Variants in DLL3 observed in about 807,000 individuals in gnomAD.
The protein encoded by DLL3 is delta-like protein 3.
Under a neutral mutation model 55.0 loss-of-function variants are expected in DLL3, and 49 were observed. The ratio of observed to expected loss-of-function variants is 0.89; its 90% CI spans 0.71 to 1.13. The LOEUF (loss-of-function observed/expected upper bound fraction) is 1.13. DLL3 is among the 50% of genes most tolerant of loss of function. The pLI is 0.00. For synonymous variants in DLL3, 421 were observed against 385.2 expected, an observed-to-expected ratio of 1.09 and a Z score of -1.09; for missense variants, 962 against 875.5, an observed-to-expected ratio of 1.10 and a Z score of -1.25.
chr19:39,503,020 C>A lies in DLL3; in HGVS notation c.615C>A (p.Arg205=). 6.6e-7 allele frequency: 1 copy of A among 1,511,612 alleles called. No individual in the cohort carries two copies. The highest frequency in any genetic ancestry group is 1.2e-5 in the South Asian group (1 of 81,430). 93.6% of individuals were successfully genotyped at this position (1,511,612 alleles called of 1,614,324 possible). ...CCTCGCGGTGCGGTCCGGGACTGCG[C>A]CCCTGCGCACCGCTCGAGGACGAAT... ...SAPSRCGPGL[R]PCAPLEDECE... Residue 205 remains arginine (R), a synonymous_variant, in exon 4 of 9, where the codon CGC becomes CGA. Coordinates refer to ENST00000356433, the MANE Select transcript of DLL3 (RefSeq NM_203486.3).
chr19:39,506,383 A>T (rs901538616), intron 6 of DLL3, among the ~76,000 whole-genome samples: 26 of 151,938 alleles, frequency 1.7e-4, no homozygotes, highest in African/African-American at 6.3e-4. Context: ...AAAAAAAAAA[A>T]AGATCATGAA....
chr19:39,502,951 C>A lies in DLL3; in HGVS notation c.546C>A (p.Ala182=), dbSNP rs8106337. The A allele has an allele frequency of 3.4e-6, 5 of 1,453,928 alleles. No individual in the cohort carries two copies. The highest frequency in any genetic ancestry group is 1.3e-5 in the South Asian group (1 of 74,782). The allele number at this position is 1,453,928 out of a possible 1,614,324, so 90.1% of individuals were successfully genotyped here. A position where few individuals can be genotyped will look rare whatever the true frequency, so the allele number is the denominator to read the frequency against. ...FSYRARCEPP[A]VGTACTRLCR... is the part of the protein sequence containing the mutation. ...ACCGCGCGCGCTGCGAGCCGCCTGC[C>A]GTCGGGACCGCGTGCACGCGCCTCT... The change falls in exon 4 of 9, where the codon GCC becomes GCA. Residue 182 remains alanine, a synonymous_variant. Coordinates refer to ENST00000356433, the MANE Select transcript of DLL3 (RefSeq NM_203486.3).
chr19:39,503,129 C>T, intron 4 of DLL3, 72 bp downstream of exon 4: 1 of 1,461,650 alleles, frequency 6.8e-7, no homozygotes. Flanking sequence ...ACTCGCGGCC[C>T]CCAGTCCCCT....
chr19:39,500,555 G>T, intron 2 of DLL3, 60 bp from the exon 3 acceptor site: 1 of 1,488,326 alleles, frequency 6.7e-7, no homozygotes, highest in Non-Finnish European at 9.4e-7. Flanking sequence ...GGCCTTCATT[G>T]AGTACTTACC....
chr19:39,505,288 G>A lies in DLL3; in HGVS notation c.930G>A (p.Glu310=), dbSNP rs773079824. The A allele has an allele frequency of 3.7e-6, 6 of 1,614,206 alleles. No individual in the cohort carries two copies. Among genetic ancestry groups the A allele is most frequent in the Non-Finnish European group, 4.2e-6 (5 of 1,180,034 alleles). ...GTGGGTTCTACGGGCTGCGGTGTGAGGTGAGCGGGGTGACATGTGCAGATG... is the reference window on the plus strand; with the variant it reads ...GTGGGTTCTACGGGCTGCGGTGTGAAGTGAGCGGGGTGACATGTGCAGATG... ...CPRGFYGLRC[E]VSGVTCADGP... The change falls in exon 6 of 9, where the codon GAG becomes GAA. Residue 310 remains glutamate, a synonymous_variant. Transcript: ENST00000356433.
intron 2 of DLL3, among the ~76,000 whole-genome samples, chr19:39,500,073 A>G (rs927408712): frequency 1.3e-5 from 2 of 151,936 alleles, no homozygotes; most frequent in African/African-American, 4.8e-5. Flanking sequence ...GTACCTCACA[A>G]GGGTCCCTTT....
chr19:39,501,815 G>T (rs2079610732), intron 3 of DLL3, among the ~76,000 whole-genome samples: 1 of 152,168 alleles, frequency 6.6e-6, no homozygotes, highest in Non-Finnish European at 1.5e-5. Flanking sequence ...CTTCAGACAT[G>T]TTATTGTTCT....
Position 39,507,932 on chromosome 19 carries a change from C to T in DLL3, c.1758+18C>T, listed in dbSNP as rs773012836. ...CTCGGGAGGTAGCGACGCCCCTTTTCCCCCCGCTACACACTGGGCGCGCTG... is the reference window on the plus strand; with the variant it reads ...CTCGGGAGGTAGCGACGCCCCTTTTTCCCCCGCTACACACTGGGCGCGCTG... On this transcript the variant is annotated intron_variant, in intron 8 of 8. Coordinates refer to ENST00000356433, the MANE Select transcript of DLL3 (RefSeq NM_203486.3). 1.1e-5 allele frequency: 17 copies of T among 1,613,938 alleles called. No individual in the cohort carries two copies. The highest frequency in any genetic ancestry group is 1.4e-5 in the Non-Finnish European group (17 of 1,180,008).
At position 39,502,866 on chromosome 19, in the gene DLL3, C is replaced by T; in HGVS notation, c.461C>T (p.Ala154Val). ...GTGGCTGGCAGGCGGCGCTTGGCAGCCGGAGGCCCGTGGGCCCGGGACATT... is the reference window on the plus strand; with the variant it reads ...GTGGCTGGCAGGCGGCGCTTGGCAGTCGGAGGCCCGTGGGCCCGGGACATT... ...ARVAGRRRLA[A>V]GGPWARDIQR... The change falls in exon 4 of 9, where the codon GCC (alanine) becomes GTC (valine). Residue 154 changes from alanine to valine, a missense_variant. By Grantham distance (64) the Ala-to-Val change is moderately conservative (BLOSUM62 0). Coordinates refer to ENST00000356433, the MANE Select transcript of DLL3 (RefSeq NM_203486.3). 2.1e-6 allele frequency: 3 copies of T among 1,417,420 alleles called. No individual in the cohort carries two copies. Among genetic ancestry groups the T allele is most frequent in the South Asian group, 1.5e-5 (1 of 68,172 alleles). 87.8% of individuals were successfully genotyped at this position (1,417,420 alleles called of 1,614,324 possible). A position where few individuals can be genotyped will look rare whatever the true frequency, so the allele number is the denominator to read the frequency against.
rs149080915 is a variant in DLL3, at chr19:39,499,536, C to T, written c.351+63C>T. On this transcript the variant is annotated intron_variant, in intron 2 of 8. Transcript: ENST00000356433. ...CCTAACCCTGCCAGCGAAACCTCCA[C>T]CTCCTCTCCCCTCCAGCTTCCAAGA... 2.7e-4 allele frequency: 411 copies of T among 1,534,944 alleles called. 1 individual carries two copies. The East Asian group carries it at 7.6e-3, about 28-fold the overall frequency.
chr19:39,507,755 T>G (rs1164836237), intron 7 of DLL3, 75 bp from the exon 8 acceptor site: 2 of 1,610,984 alleles, frequency 1.2e-6, no homozygotes, highest in Middle Eastern at 1.7e-4. Flanking sequence ...TGGGTTCCCC[T>G]TTGTGATGGG....
rs371078896 is a variant in DLL3, at chr19:39,500,432, C to CA, written c.352-175dup. On this transcript the variant is annotated intron_variant, in intron 2 of 8. Transcript: ENST00000356433. ...CAAAGTGAGATTCTCCCCCCCCCCC[C>CA]AAAAAAAAGCCACAGATGTCATTCC... is the stretch of plus-strand genomic sequence containing the variant. Among the ~76,000 whole-genome samples the CA allele has an allele frequency of 2.9e-3, 356 of 122,006 alleles. 2 individuals carry two copies. The highest frequency in any genetic ancestry group is 0.017 in the Middle Eastern group (4 of 240). The allele number at this position is 122,006 out of a possible 152,430, so 80.0% of individuals were successfully genotyped here.
chr19:39,500,764 C>A, intron 3 of DLL3, 92 bp downstream of exon 3: 1 of 1,145,332 alleles, frequency 8.7e-7, no homozygotes, highest in South Asian at 1.2e-5. Context: ...ATGATGTCAT[C>A]ACAGCTCCTG....
chr19:39,505,567 C>T, intron 6 of DLL3, 116 bp downstream of exon 6: 1 of 1,092,442 alleles, frequency 9.2e-7, no homozygotes, highest in African/African-American at 1.6e-5. Context: ...GGGGACCTGA[C>T]CTTCCACCTG....
chr19:39,507,258 G>A lies in DLL3; in HGVS notation c.1313G>A (p.Cys438Tyr). The A allele has an allele frequency of 3.3e-6, 5 of 1,527,738 alleles. No individual in the cohort carries two copies. Among genetic ancestry groups the A allele is most frequent in the Non-Finnish European group, 4.4e-6 (5 of 1,143,798 alleles). 94.6% of individuals were successfully genotyped at this position (1,527,738 alleles called of 1,614,324 possible). A position where few individuals can be genotyped will look rare whatever the true frequency, so the allele number is the denominator to read the frequency against. ...GCGGACCCGTGCGCCGCGCGCCCCT[G>A]TGCTCACGGCGGCCGCTGCTACGCC... is the stretch of plus-strand genomic sequence containing the variant. The part of the protein sequence containing the change: ...ERADPCAARP[C>Y]AHGGRCYAHF... Residue 438 changes from cysteine (C) to tyrosine (Y), a missense_variant, in exon 7 of 9, where the codon TGT (cysteine) becomes TAT (tyrosine). Cys to Tyr is a radical substitution (Grantham distance 194). Transcript: ENST00000356433.
rs768002373 is a variant in DLL3, at chr19:39,507,907, C to G, written c.1751C>G (p.Ala584Gly). The G allele has an allele frequency of 6.2e-7, 1 of 1,614,180 alleles. No individual in the cohort carries two copies. Residue 584 changes from alanine (A) to glycine (G), a missense_variant, in exon 8 of 9, where the codon GCT becomes GGT. By Grantham distance (60) the Ala-to-Gly change is moderately conservative (BLOSUM62 0). Transcript: ENST00000356433. ...IYVISAPSIY[A>G]REA ...GTCATATCTGCTCCTTCCATCTACG[C>G]TCGGGAGGTAGCGACGCCCCTTTTC... is the stretch of plus-strand genomic sequence containing the variant.
intron 5 of DLL3, 63 bp downstream of exon 5, chr19:39,504,351 C>T: frequency 6.4e-7 from 1 of 1,553,716 alleles, no homozygotes; most frequent in Non-Finnish European, 8.8e-7. Flanking sequence ...ACAGCCCTCT[C>T]CCTGGGGCTC....
chr19:39,507,862 T>C lies in DLL3; in HGVS notation c.1706T>C (p.Val569Ala). 1 of 1,614,176 alleles carries C rather than the reference T, an allele frequency of 6.2e-7. No homozygotes were observed. Among genetic ancestry groups the C allele is most frequent in the Non-Finnish European group, 8.5e-7 (1 of 1,180,038 alleles). ...GTAGATTGGAATCGCCCTGAAGATGTAGACCCTCAAGGGATTTATGTCATA... is the reference window on the plus strand; with the variant it reads ...GTAGATTGGAATCGCCCTGAAGATGCAGACCCTCAAGGGATTTATGTCATA... Reference protein sequence around the residue: ...SSVDWNRPEDVDPQGIYVISA... With the variant: ...SSVDWNRPEDADPQGIYVISA... Residue 569 changes from valine to alanine, a missense_variant, in exon 8 of 9, where the codon GTA (valine) becomes GCA (alanine). Coordinates refer to ENST00000356433, the MANE Select transcript of DLL3 (RefSeq NM_203486.3).
At chr19:39,507,668 C>T (rs1466275962) in intron 7 of DLL3, 50 bp downstream of exon 7, 1 of 1,588,228 alleles carries the variant, frequency 6.3e-7, no homozygotes, top group Admixed American at 1.8e-5. Context: ...GCTGCTTTTA[C>T]CCATCTCCGT....
Sources: allele counts gnomAD v4.1 joint callset (sites outside exome capture counted in the v4.1 genomes callset), GRCh38; gene constraint gnomAD v4.1.1; transcripts MANE v1.5; gene names NCBI Gene and HGNC (gene_info 2026-07-23, HGNC 2026-07-21).